Variants in TMEM74 observed in about 807,000 individuals in gnomAD.
TMEM74 encodes the protein transmembrane protein 74.
In TMEM74, 13 loss-of-function variants were observed where a neutral mutation model predicts 18.1. That is an observed-to-expected ratio of 0.72 (90% confidence interval 0.47 to 1.14). The LOEUF (loss-of-function observed/expected upper bound fraction) is 1.14. TMEM74 is among the 50% of genes most tolerant of loss of function. The probability of loss-of-function intolerance (pLI) is 0.00; values close to 1 mark genes in which losing one functional copy is unlikely to be tolerated. For missense variants in TMEM74, 372 were observed against 375.9 expected (o/e 0.99, Z 0.09); for synonymous variants, 159 against 146.6 (o/e 1.08, Z -0.61).
At chr8:108,735,122 G>A (rs1376423297) in intron 1 of TMEM74, among the ~76,000 whole-genome samples, 3 of 152,056 alleles carry the variant, frequency 2.0e-5, no homozygotes, top group South Asian at 2.1e-4. Flanking sequence ...TCTGACTTTC[G>A]TTTCCATTCT....
intron 1 of TMEM74, among the ~76,000 whole-genome samples, chr8:108,723,334 T>C (rs1563535597): frequency 6.6e-6 from 1 of 152,196 alleles, no homozygotes; most frequent in Non-Finnish European, 1.5e-5. Context: ...AAAATGTTCA[T>C]AATGTCCTTG....
At chr8:108,772,981 T>C (rs1814190269) in intron 1 of TMEM74, among the ~76,000 whole-genome samples, 2 of 152,154 alleles carry the variant, frequency 1.3e-5, no homozygotes, top group South Asian at 2.1e-4. Context: ...TATTATTAAC[T>C]ACATAAGCAT....
At chr8:108,760,765 T>A (rs1351614316) in intron 1 of TMEM74, among the ~76,000 whole-genome samples, 1 of 152,044 alleles carries the variant, frequency 6.6e-6, no homozygotes, top group African/African-American at 2.4e-5. Flanking sequence ...GATGTAACCC[T>A]ACACCATGAT....
chr8:108,701,501 T>G (rs1813334554), intron 1 of TMEM74, among the ~76,000 whole-genome samples: 2 of 152,186 alleles, frequency 1.3e-5, no homozygotes, highest in Admixed American at 1.3e-4. Flanking sequence ...AAAATCTGAT[T>G]TAACAAAAGA....
chr8:108,617,862 G>T (rs55932599), intron 2 of TMEM74, among the ~76,000 whole-genome samples: 1 of 152,024 alleles, frequency 6.6e-6, no homozygotes, highest in African/African-American at 2.4e-5. Flanking sequence ...GTTGAACCCC[G>T]CTATACCTCA....
chr8:108,651,126 T>C (rs1255322583), intron 2 of TMEM74, among the ~76,000 whole-genome samples: 1 of 152,156 alleles, frequency 6.6e-6, no homozygotes, highest in Admixed American at 6.6e-5. Flanking sequence ...ACATTCTGTA[T>C]ATTCATTTTG....
chr8:108,725,301 G>T (rs955317651), intron 1 of TMEM74, among the ~76,000 whole-genome samples: 1 of 151,976 alleles, frequency 6.6e-6, no homozygotes, highest in African/African-American at 2.4e-5. Flanking sequence ...GTTTATCTTT[G>T]TGTTTCTCTC....
Position 108,784,924 on chromosome 8 carries a change from T to G in TMEM74, c.175A>C (p.Lys59Gln), listed in dbSNP as rs769373366. Residue 59 changes from lysine to glutamine, a missense_variant, in exon 2 of 2, where the codon AAA (lysine) becomes CAA (glutamine). Transcript: ENST00000297459. ...TPRATEMEGS[K>Q]LSSSPASPSS... Reference sequence around the variant, plus strand: ...GGGGATGCTGGAGAAGAACTAAGTTTAGACCCTTCCATCTCGGTTGCTCTT... The same window carrying G: ...GGGGATGCTGGAGAAGAACTAAGTTGAGACCCTTCCATCTCGGTTGCTCTT... The G allele has an allele frequency of 5.6e-6, 9 of 1,614,046 alleles. No homozygotes were observed. The South Asian group carries it at 9.9e-5, about 18-fold the overall frequency.
rs112932885 is a variant in TMEM74, at chr8:108,684,172, C to A, written n.120-28735G>T. 9.3e-4 allele frequency among the ~76,000 whole-genome samples: 141 copies of A among 152,138 alleles called. 2 individuals carry two copies. The highest frequency in any genetic ancestry group is 3.2e-3 in the African/African-American group (134 of 41,546). On this transcript the variant is annotated intron_variant and non_coding_transcript_variant, in intron 1 of 3. Transcript: ENST00000518838. ...GTCCCAATTGTAGTTTCTTGAGGAACCTTCATACTGGTCCTTATAGTGGCT... is the reference window on the plus strand; with the variant it reads ...GTCCCAATTGTAGTTTCTTGAGGAAACTTCATACTGGTCCTTATAGTGGCT...
intron 1 of TMEM74, among the ~76,000 whole-genome samples, chr8:108,758,116 T>G (rs1445834066): frequency 1.3e-5 from 2 of 152,036 alleles, no homozygotes; most frequent in African/African-American, 4.8e-5. Flanking sequence ...CAAGTAAATT[T>G]AACAGACTTC....
chr8:108,692,887 C>G (rs1444017760), intron 1 of TMEM74, among the ~76,000 whole-genome samples: 1 of 152,098 alleles, frequency 6.6e-6, no homozygotes, highest in Non-Finnish European at 1.5e-5. Context: ...CTATTCAAAA[C>G]AGTGGGAAAA....
chr8:108,620,982 C>T (rs1812434490), intron 2 of TMEM74, among the ~76,000 whole-genome samples: 1 of 152,170 alleles, frequency 6.6e-6, no homozygotes, highest in Admixed American at 6.5e-5. Flanking sequence ...TCCTGCTGCT[C>T]CCATGATGCC....
chr8:108,658,744 C>G (rs1484240678), intron 1 of TMEM74, among the ~76,000 whole-genome samples: 1 of 152,170 alleles, frequency 6.6e-6, no homozygotes, highest in East Asian at 1.9e-4. Flanking sequence ...AATAATCTCT[C>G]TGAGCCTCAA....
intron 1 of TMEM74, among the ~76,000 whole-genome samples, chr8:108,695,089 C>T (rs1430658139): frequency 2.6e-5 from 4 of 152,164 alleles, no homozygotes; most frequent in Non-Finnish European, 4.4e-5. Flanking sequence ...GGCCTGGCTG[C>T]TCCACTCTCC....
chr8:108,766,325 G>A (rs1018368933), intron 1 of TMEM74, among the ~76,000 whole-genome samples: 1 of 152,064 alleles, frequency 6.6e-6, no homozygotes, highest in African/African-American at 2.4e-5. Context: ...TCATGGGAAT[G>A]TTCTTTGTAG....
At position 108,736,306 on chromosome 8, in the gene TMEM74, A is replaced by G. The variant is rs142751397; in HGVS notation, n.119+51170T>C. ...TGAAATTACACGGGGCTTTCTTTTTAAAAGATCTTTCTTTTTTACTTGAAA... is the reference window on the plus strand; with the variant it reads ...TGAAATTACACGGGGCTTTCTTTTTGAAAGATCTTTCTTTTTTACTTGAAA... On this transcript the variant is annotated intron_variant and non_coding_transcript_variant, in intron 1 of 3. Transcript: ENST00000518838. Among the ~76,000 whole-genome samples the G allele has an allele frequency of 1.6e-3, 239 of 152,212 alleles. 2 individuals are homozygous for G. The highest frequency in any genetic ancestry group is 5.2e-3 in the Admixed American group (80 of 15,278).
rs1357026422 is a variant in TMEM74 at position 108,782,453 on chromosome 8, T to C, written c.*1728A>G. 6.6e-6 allele frequency among the ~76,000 whole-genome samples: 1 copy of C among 152,176 alleles called. No individual in the cohort carries two copies. Among genetic ancestry groups the C allele is most frequent in the African/African-American group, 2.4e-5 (1 of 41,452 alleles). On this transcript the variant is annotated 3_prime_UTR_variant, in exon 2 of 2. Coordinates refer to ENST00000297459, the MANE Select transcript of TMEM74 (RefSeq NM_153015.3). The stretch of plus-strand genomic sequence containing the variant: ...TCATTTTTACTTAATAATTCTTTCA[T>C]ATGCCCATCCTCTCTTTTTACTATC...
intron 1 of TMEM74, among the ~76,000 whole-genome samples, chr8:108,697,592 T>G (rs187634178): frequency 6.6e-6 from 1 of 152,168 alleles, no homozygotes; most frequent in Non-Finnish European, 1.5e-5. Context: ...TAATTTTTTA[T>G]TTTTTGTAGA....
At chr8:108,704,186 G>A (rs1813368034) in intron 1 of TMEM74, among the ~76,000 whole-genome samples, 1 of 152,200 alleles carries the variant, frequency 6.6e-6, no homozygotes, top group Non-Finnish European at 1.5e-5. Flanking sequence ...GAATGCAAGA[G>A]GGGACTGAAA....
Sources: gnomAD v4.1 joint callset for allele counts (sites outside exome capture counted in the v4.1 genomes callset) on GRCh38, gnomAD v4.1.1 for gene constraint, MANE v1.5 for transcripts, NCBI Gene and HGNC (gene_info 2026-07-23, HGNC 2026-07-21) for gene names.